FAN1: variants seen among roughly 807,000 people sequenced by gnomAD.
The protein encoded by FAN1 is FANCD2 and FANCI associated nuclease 1, also known as fanconi-associated nuclease 1.
In FAN1, 91 loss-of-function variants were observed where a neutral mutation model predicts 104.9. The observed-to-expected ratio is 0.87, with a 90% CI of 0.73 to 1.03. The LOEUF is 1.03. FAN1 is among the 50% of genes least tolerant of loss of function. The pLI is 0.00. For synonymous variants in FAN1, 478 were observed against 457.6 expected, an observed-to-expected ratio of 1.04 and a Z score of -0.57; for missense variants, 1,263 against 1,239.9, an observed-to-expected ratio of 1.02 and a Z score of -0.28.
Position 30,914,032 on chromosome 15 carries a change from T to C in FAN1, c.1752T>C (p.Phe584=). 6.2e-7 allele frequency: 1 copy of C among 1,614,196 alleles called. No homozygotes were observed. The highest frequency in any genetic ancestry group is 8.5e-7 in the Non-Finnish European group (1 of 1,180,030). The change falls in exon 5 of 15, where the codon TTT becomes TTC. Residue 584 remains phenylalanine (F), a synonymous_variant. Transcript: ENST00000362065. ...TGGTCAACCTCGGCCGAATGGAGTTTCCTAGTTACACCATCAATCGGAAAA... is the reference window on the plus strand; with the variant it reads ...TGGTCAACCTCGGCCGAATGGAGTTCCCTAGTTACACCATCAATCGGAAAA... The part of the protein sequence containing the change: ...VLLVNLGRME[F]PSYTINRKTH...
At chr15:30,922,507 A>G (rs892875534) in intron 8 of FAN1, among the ~76,000 whole-genome samples, 153 bp downstream of exon 8, 3 of 152,170 alleles carry the variant, frequency 2.0e-5, no homozygotes, top group Admixed American at 6.5e-5. Context: ...CCAACCCCAA[A>G]AGAATACCAG....
At chr15:30,930,503 C>A (rs750650646) in intron 12 of FAN1, 40 bp from the exon 13 acceptor site, 2 of 1,559,114 alleles carry the variant, frequency 1.3e-6, no homozygotes, top group Non-Finnish European at 1.7e-6. Flanking sequence ...CATTCTCTGT[C>A]ACGAGGGAAG....
rs2062546694 is a variant in FAN1 at position 30,929,113 on chromosome 15, GT to G, written c.2593-87del. On this transcript the variant is annotated intron_variant, in intron 11 of 14. Transcript: ENST00000362065. ...AGAGAAAGAATGTATCGGTTGGCCG[GT>G]TTCCAAGTTTTGTATGTACTGACTA... 5.3e-6 allele frequency: 6 copies of G among 1,125,950 alleles called. No homozygotes were observed. The South Asian group carries it at 8.8e-5, about 17-fold the overall frequency. 69.7% of individuals were successfully genotyped at this position (1,125,950 alleles called of 1,614,324 possible).
chr15:30,907,319 A>G (rs1035364440), intron 2 of FAN1, among the ~76,000 whole-genome samples: 2 of 152,062 alleles, frequency 1.3e-5, no homozygotes, highest in African/African-American at 4.8e-5. Context: ...TGAGTTCCAG[A>G]CTAGCCTGAC....
intron 7 of FAN1, among the ~76,000 whole-genome samples, chr15:30,921,110 G>C (rs1372235525): frequency 6.6e-6 from 1 of 152,144 alleles, no homozygotes; most frequent in Non-Finnish European, 1.5e-5. Flanking sequence ...TGGCCAACGA[G>C]GGCATAGTTA....
intron 13 of FAN1, among the ~76,000 whole-genome samples, chr15:30,933,822 G>A (rs1462091276): frequency 6.6e-6 from 1 of 151,630 alleles, no homozygotes; most frequent in Non-Finnish European, 1.5e-5. Flanking sequence ...TAGTGGCAGT[G>A]CGATCCTGGA....
At chr15:30,926,277 C>T (rs573811625) in intron 10 of FAN1, among the ~76,000 whole-genome samples, 170 of 152,346 alleles carry the variant, frequency 1.1e-3, no homozygotes, top group Admixed American at 2.1e-3. Flanking sequence ...TCTGTTCTCT[C>T]CTGCCCCTTC....
At chr15:30,941,202 A>G (rs1255078943) in intron 14 of FAN1, 1 of 1,364,566 alleles carries the variant, frequency 7.3e-7, no homozygotes, top group Non-Finnish European at 9.6e-7. Flanking sequence ...GGATGGAGAC[A>G]AAAATGTAGC....
At chr15:30,907,294 G>A (rs2062002399) in intron 2 of FAN1, among the ~76,000 whole-genome samples, 1 of 151,968 alleles carries the variant, frequency 6.6e-6, no homozygotes, top group East Asian at 2.0e-4. Flanking sequence ...CAGGTGGGCA[G>A]ATGGCCTGAG....
In FAN1 at chr15:30,942,869, G is replaced by C. The variant is rs767753890; in HGVS notation, c.*1307G>C. 2 of 1,546,856 alleles carry C rather than the reference G, an allele frequency of 1.3e-6. No homozygotes were observed. Among genetic ancestry groups the C allele is most frequent in the Non-Finnish European group, 1.7e-6 (2 of 1,143,410 alleles). ...TTGGTTACGTGTGAGCCAACATCACGTTTTGTTAGCTGTGATTTACCTTTG... is the reference window on the plus strand; with the variant it reads ...TTGGTTACGTGTGAGCCAACATCACCTTTTGTTAGCTGTGATTTACCTTTG... On this transcript the variant is annotated 3_prime_UTR_variant, in exon 15 of 15. Transcript: ENST00000362065.
rs959227027 is a variant in FAN1 at position 30,938,952 on chromosome 15, T to A, written c.*3+1693T>A. 4 of 985,328 alleles carry A rather than the reference T, an allele frequency of 4.1e-6. No homozygotes were observed. The African/African-American group carries it at 7.0e-5, about 17-fold the overall frequency. 61.0% of individuals were successfully genotyped at this position (985,328 alleles called of 1,614,324 possible). On this transcript the variant is annotated intron_variant, in intron 14 of 14. Transcript: ENST00000362065. ...TACTGACAACAACAAACAGTCGCTG[T>A]GGAATTTTATTAAGCCATCAAAATT...
intron 10 of FAN1, chr15:30,926,794 G>A (rs1372842467): frequency 2.0e-6 from 2 of 985,288 alleles, no homozygotes; most frequent in East Asian, 2.3e-4. Flanking sequence ...TTTCAGTTGA[G>A]CCATGAGCCT....
At chr15:30,941,400 A>C in intron 14 of FAN1, 166 bp from the exon 15 acceptor site, 2 of 1,551,714 alleles carry the variant, frequency 1.3e-6, no homozygotes, top group Non-Finnish European at 1.7e-6. Context: ...TCAAACGCCT[A>C]GGTTAGCAAT....
Position 30,905,530 on chromosome 15 carries a change from C to G in FAN1, c.867C>G (p.Ile289Met). 1.2e-6 allele frequency: 2 copies of G among 1,613,854 alleles called. No homozygotes were observed. The highest frequency in any genetic ancestry group is 2.2e-5 in the East Asian group (1 of 44,876). The change falls in exon 2 of 15, where the codon ATC becomes ATG. Residue 289 changes from isoleucine (I) to methionine (M), a missense_variant. Ile to Met is a conservative substitution (Grantham distance 10). Around this residue, in one of 2 missense-constraint regions of FAN1, gnomAD observed 682 missense variants for 571.1 expected, o/e 1.19. Transcript: ENST00000362065. ...SEDSLVKQECIKEVVEKREAC... is the reference protein window; with the variant it reads ...SEDSLVKQECMKEVVEKREAC... ...ACAGTCTTGTAAAGCAAGAGTGTATCAAAGAAGTGGTTGAAAAACGTGAGG... is the reference window on the plus strand; with the variant it reads ...ACAGTCTTGTAAAGCAAGAGTGTATGAAAGAAGTGGTTGAAAAACGTGAGG...
Position 30,942,806 on chromosome 15 carries a change from CTTTACT to C in FAN1, c.*1249_*1254del. ...TTAGCAGTGTTACTCTTGGAAGTGC[CTTTACT>C]TTTAACGCTCTCTGTTCTGAAAAAG... is the stretch of plus-strand genomic sequence containing the variant. On this transcript the variant is annotated 3_prime_UTR_variant, in exon 15 of 15. Coordinates refer to ENST00000362065, the MANE Select transcript of FAN1 (RefSeq NM_014967.5). The C allele has an allele frequency of 2.2e-6, 3 of 1,365,282 alleles. No individual in the cohort carries two copies. The highest frequency in any genetic ancestry group is 1.5e-5 in the African/African-American group (1 of 67,924). 84.6% of individuals were successfully genotyped at this position (1,365,282 alleles called of 1,614,324 possible). A position where few individuals can be genotyped will look rare whatever the true frequency, so the allele number is the denominator to read the frequency against.
chr15:30,905,042 C>A lies in FAN1; in HGVS notation c.379C>A (p.Pro127Thr). ...AKREVKQKIS[P>T]YFKSNDVVCK... Reference sequence around the variant, plus strand: ...AAGGGAAGTAAAGCAGAAGATCAGTCCCTACTTTAAAAGTAATGATGTGGT... The same window carrying A: ...AAGGGAAGTAAAGCAGAAGATCAGTACCTACTTTAAAAGTAATGATGTGGT... Residue 127 changes from proline (P) to threonine (T), a missense_variant, in exon 2 of 15, where the codon CCC (proline) becomes ACC (threonine). Physicochemically the swap from Pro to Thr is conservative, Grantham distance 38 (BLOSUM62 -1). Transcript: ENST00000362065. 1 of 1,614,030 alleles carries A rather than the reference C, an allele frequency of 6.2e-7. No homozygotes were observed.
At chr15:30,904,488 A>T in intron 1 of FAN1, 24 bp from the exon 2 acceptor site, 1 of 749,716 alleles carries the variant, frequency 1.3e-6, no homozygotes, top group Non-Finnish European at 2.3e-6. Flanking sequence ...AATGTTTTTA[A>T]TTTATATGTG....
At chr15:30,910,062 T>G (rs943846848) in intron 3 of FAN1, among the ~76,000 whole-genome samples, 3 of 152,186 alleles carry the variant, frequency 2.0e-5, no homozygotes, top group Non-Finnish European at 2.9e-5. Context: ...CAATAAATAT[T>G]TGCTGAATGG....
At chr15:30,938,963 T>G in intron 14 of FAN1, 2 of 985,418 alleles carry the variant, frequency 2.0e-6, no homozygotes, top group Non-Finnish European at 2.4e-6. Flanking sequence ...GGAATTTTAT[T>G]AAGCCATCAA....
Sources: gnomAD v4.1 joint callset for allele counts (sites outside exome capture counted in the v4.1 genomes callset) on GRCh38, gnomAD v4.1.1 for gene constraint, gnomAD v4.1.1 regional missense constraint, MANE v1.5 for transcripts, NCBI Gene and HGNC (gene_info 2026-07-23, HGNC 2026-07-21) for gene names.